NTM: variants seen among roughly 807,000 people sequenced by gnomAD.
NTM encodes IgLON family member 2.
NTM carries 13 observed loss-of-function variants against 42.1 expected under a neutral mutation model. That is an observed-to-expected ratio of 0.31 (90% confidence interval 0.20 to 0.49). NTM has a LOEUF of 0.49. NTM is among the 20% of genes least tolerant of loss of function. NTM has a pLI of 0.99. For missense variants in NTM, 373 were observed against 452.8 expected (o/e 0.82, Z 1.60); for synonymous variants, 187 against 179.2 (o/e 1.04, Z -0.35).
chr11:131,684,127 C>A (rs554503321), intron 1 of NTM, among the ~76,000 whole-genome samples: 1 of 152,276 alleles, frequency 6.6e-6, no homozygotes, highest in African/African-American at 2.4e-5. Context: ...ATTGGGAGAA[C>A]CCCCTCTGGA....
intron 4 of NTM, among the ~76,000 whole-genome samples, chr11:132,269,146 G>A (rs1460547713): frequency 6.6e-6 from 1 of 152,190 alleles, no homozygotes; most frequent in African/African-American, 2.4e-5. Context: ...GCATGATATT[G>A]TTTTGAAGCA....
At chr11:132,159,709 C>T (rs1267032995) in intron 3 of NTM, among the ~76,000 whole-genome samples, 1 of 152,102 alleles carries the variant, frequency 6.6e-6, no homozygotes, top group African/African-American at 2.4e-5. Flanking sequence ...TCTGGAGGAA[C>T]TTCCCAGAAA....
At chr11:131,627,130 T>G (rs1023197626) in intron 1 of NTM, among the ~76,000 whole-genome samples, 3 of 152,212 alleles carry the variant, frequency 2.0e-5, no homozygotes, top group Non-Finnish European at 4.4e-5. Context: ...AATCTCTAAT[T>G]ATCTTGTACC....
intron 2 of NTM, among the ~76,000 whole-genome samples, chr11:132,105,391 G>T (rs2062233105): frequency 6.6e-6 from 1 of 152,020 alleles, no homozygotes; most frequent in African/African-American, 2.4e-5. Context: ...GAAAACTGTA[G>T]AAAAGAGAGC....
At chr11:132,182,441 C>T (rs10791217) in intron 3 of NTM, among the ~76,000 whole-genome samples, 55,104 of 151,978 alleles carry the variant, frequency 0.36, 11,258 homozygotes, top group Middle Eastern at 0.49. Flanking sequence ...AATCTCTCTA[C>T]GTGTCATGTA....
At chr11:132,086,903 C>A (rs1388581919) in intron 2 of NTM, among the ~76,000 whole-genome samples, 1 of 152,058 alleles carries the variant, frequency 6.6e-6, no homozygotes, top group Non-Finnish European at 1.5e-5. Flanking sequence ...AGGGGAGTGT[C>A]CTATAGTACA....
At chr11:131,805,853 G>T (rs578231950) in intron 1 of NTM, among the ~76,000 whole-genome samples, 1 of 152,076 alleles carries the variant, frequency 6.6e-6, no homozygotes. Context: ...GGAGCAAACA[G>T]ATTTAGAAAG....
intron 4 of NTM, among the ~76,000 whole-genome samples, chr11:132,289,005 A>C (rs542063610): frequency 6.6e-6 from 1 of 152,284 alleles, no homozygotes; most frequent in African/African-American, 2.4e-5. Context: ...ATTAGTACCT[A>C]AAACTCAGTC....
chr11:131,645,810 GGTTATA>G (rs2065705301), intron 1 of NTM, among the ~76,000 whole-genome samples: 1 of 152,174 alleles, frequency 6.6e-6, no homozygotes, highest in Non-Finnish European at 1.5e-5. Flanking sequence ...GTGGACATGG[GGTTATA>G]TGGAGCATAT....
At chr11:131,772,329 G>A (rs895312818) in intron 1 of NTM, among the ~76,000 whole-genome samples, 1 of 152,120 alleles carries the variant, frequency 6.6e-6, no homozygotes, top group African/African-American at 2.4e-5. Context: ...CTTGAATGTG[G>A]GAGGCACCAA....
intron 2 of NTM, among the ~76,000 whole-genome samples, chr11:131,963,087 A>T (rs1565834827): frequency 6.6e-6 from 1 of 152,154 alleles, no homozygotes; most frequent in Non-Finnish European, 1.5e-5. Flanking sequence ...CATCACTGAA[A>T]TCTGTCAGGA....
chr11:131,528,368 C>T (rs143072079), intron 1 of NTM, among the ~76,000 whole-genome samples: 1 of 152,146 alleles, frequency 6.6e-6, no homozygotes, highest in South Asian at 2.1e-4. Context: ...TTGTGCTGTG[C>T]CCTTTACATG....
At chr11:132,142,795 G>A (rs542001765) in intron 2 of NTM, among the ~76,000 whole-genome samples, 3 of 152,164 alleles carry the variant, frequency 2.0e-5, no homozygotes, top group Non-Finnish European at 4.4e-5. Context: ...AATTGGCTGC[G>A]TTCTGAGTGC....
chr11:131,914,823 C>T (rs1000062693), intron 2 of NTM, among the ~76,000 whole-genome samples: 2 of 152,206 alleles, frequency 1.3e-5, no homozygotes, highest in African/African-American at 2.4e-5. Context: ...TGAGTGCTCA[C>T]TATGTGTTGG....
chr11:132,169,689 G>A (rs1369261632), intron 3 of NTM, among the ~76,000 whole-genome samples: 4 of 151,938 alleles, frequency 2.6e-5, no homozygotes, highest in Non-Finnish European at 5.9e-5. Flanking sequence ...CTGAGGCTAG[G>A]GTTGGTGATT....
chr11:131,390,389 G>A (rs1943852152), intron 1 of NTM, among the ~76,000 whole-genome samples: 1 of 152,128 alleles, frequency 6.6e-6, no homozygotes, highest in Non-Finnish European at 1.5e-5. Context: ...AGATTTGGAG[G>A]GAACAGACTA....
At chr11:131,715,971 C>T (rs757627579) in intron 1 of NTM, among the ~76,000 whole-genome samples, 2 of 152,330 alleles carry the variant, frequency 1.3e-5, no homozygotes, top group Middle Eastern at 6.8e-3. Context: ...ATAAACCAGT[C>T]TTTGCATGGT....
At chr11:132,005,157 A>G (rs1274172736) in intron 2 of NTM, among the ~76,000 whole-genome samples, 1 of 152,138 alleles carries the variant, frequency 6.6e-6, no homozygotes, top group Non-Finnish European at 1.5e-5. Context: ...CTAAAAAAAT[A>G]TCACTCTCCA....
At chr11:131,722,586 G>A (rs2078498717) in intron 1 of NTM, among the ~76,000 whole-genome samples, 1 of 152,180 alleles carries the variant, frequency 6.6e-6, no homozygotes, top group Non-Finnish European at 1.5e-5. Context: ...CGCTGTTAGG[G>A]CTTCATTTTC....
Sources: gnomAD v4.1 joint callset for allele counts (sites outside exome capture counted in the v4.1 genomes callset) on GRCh38, gnomAD v4.1.1 for gene constraint, MANE v1.5 for transcripts, NCBI Gene and HGNC (gene_info 2026-07-23, HGNC 2026-07-21) for gene names.